The following TEKT3 variants were observed in gnomAD, a reference collection of about 807,000 sequenced individuals.
The protein encoded by TEKT3 is tektin-3.
A neutral mutation model predicts 49.8 loss-of-function variants in TEKT3; 49 were observed. The observed-to-expected ratio is 0.98, with a 90% CI of 0.78 to 1.25. The LOEUF (loss-of-function observed/expected upper bound fraction) is 1.25. TEKT3 is among the 50% of genes most tolerant of loss of function. The pLI is 0.00. For missense variants in TEKT3, 595 were observed against 629.5 expected (o/e 0.95, Z 0.59); for synonymous variants, 225 against 237.2 (o/e 0.95, Z 0.47).
intron 1 of TEKT3, among the ~76,000 whole-genome samples, chr17:15,341,009 C>G (rs1912205675): frequency 1.3e-5 from 2 of 151,970 alleles, no homozygotes; most frequent in Admixed American, 1.3e-4. Flanking sequence ...TGCAGCCAAG[C>G]TAAACAGAAA....
chr17:15,328,091 T>C lies in TEKT3; in HGVS notation c.580-16A>G. The C allele has an allele frequency of 1.2e-6, 2 of 1,608,104 alleles. No homozygotes were observed. The highest frequency in any genetic ancestry group is 1.7e-6 in the Non-Finnish European group (2 of 1,174,758). On this transcript the variant is annotated splice_polypyrimidine_tract_variant and intron_variant, in intron 3 of 8. Coordinates refer to ENST00000395930, the MANE Select transcript of TEKT3 (RefSeq NM_031898.3). Reference sequence around the variant, plus strand: ...CTCGGGCTACCTACAGATACACAGATAATGGAAAGCACTAATAAAAACTGA... The same window carrying C: ...CTCGGGCTACCTACAGATACACAGACAATGGAAAGCACTAATAAAAACTGA...
chr17:15,305,365 G>A (rs1191582850), intron 8 of TEKT3, among the ~76,000 whole-genome samples: 1 of 152,196 alleles, frequency 6.6e-6, no homozygotes, highest in Non-Finnish European at 1.5e-5. Context: ...GCTTTCCAAT[G>A]GGGAGGGGAA....
upstream of TEKT3, among the ~76,000 whole-genome samples, chr17:15,341,947 A>C (rs933710851): frequency 6.6e-6 from 1 of 152,198 alleles, no homozygotes; most frequent in Non-Finnish European, 1.5e-5. Context: ...TCTAAGGCAC[A>C]TCAGGGCTGC....
intron 7 of TEKT3, among the ~76,000 whole-genome samples, chr17:15,311,756 T>C (rs545291565): frequency 6.6e-6 from 1 of 152,362 alleles, no homozygotes; most frequent in African/African-American, 2.4e-5. Context: ...TTGAAACATA[T>C]GAATTCTGCT....
Position 15,304,367 on chromosome 17 carries a change from G to A in TEKT3, c.1257-215C>T, listed in dbSNP as rs1910450458. Among the ~76,000 whole-genome samples, 1 of 152,174 alleles carries A rather than the reference G, an allele frequency of 6.6e-6. No individual in the cohort carries two copies. The highest frequency in any genetic ancestry group is 2.4e-5 in the African/African-American group (1 of 41,438). On this transcript the variant is annotated intron_variant, in intron 8 of 8. Transcript: ENST00000395930. The surrounding 1 kb of genome is among the most constrained non-coding windows in gnomAD (Gnocchi z 4.7). ...GGGAATGTAGATGTCCCAGGAGATA[G>A]AAAAGGATTTCATAATTATAGAAAA...
At chr17:15,342,311 A>G, upstream of TEKT3, among the ~76,000 whole-genome samples, 1 of 152,236 alleles carries the variant, frequency 6.6e-6, no homozygotes, top group Non-Finnish European at 1.5e-5. Context: ...CAGAGCTAAC[A>G]CTAAAACTCA....
upstream of TEKT3, among the ~76,000 whole-genome samples, chr17:15,342,979 G>A (rs961488637): frequency 3.9e-5 from 6 of 152,146 alleles, no homozygotes; most frequent in Admixed American, 3.9e-4. Context: ...TCTGCATTTT[G>A]TATTTTCAGT....
intron 4 of TEKT3, among the ~76,000 whole-genome samples, chr17:15,323,024 A>G (rs942829940): frequency 5.9e-5 from 9 of 152,140 alleles, no homozygotes; most frequent in Non-Finnish European, 2.9e-5. Flanking sequence ...TGGTCCCACA[A>G]CCTGCTTAGA....
At chr17:15,340,868 A>AT (rs1037665890) in intron 1 of TEKT3, among the ~76,000 whole-genome samples, 2 of 152,106 alleles carry the variant, frequency 1.3e-5, no homozygotes, top group African/African-American at 2.4e-5. Flanking sequence ...AAAACTGTAT[A>AT]TTTTTTTCAC....
chr17:15,336,073 T>C (rs1911967750), intron 2 of TEKT3, among the ~76,000 whole-genome samples: 1 of 150,798 alleles, frequency 6.6e-6, no homozygotes, highest in Non-Finnish European at 1.5e-5. Context: ...TATAAATACC[T>C]AGGTCAAGAA....
At position 15,331,510 on chromosome 17, in the gene TEKT3, T is replaced by C; in HGVS notation, c.76A>G (p.Ile26Val). ...CTGTAGCTTGAGGCCATGGTACTGA[T>C]GGCTGGTAGAAAGTTGGTTGGTGTT... is the stretch of plus-strand genomic sequence containing the variant. ...RPTPTNFLPA[I>V]STMASSYRDR... Residue 26 changes from isoleucine (I) to valine (V), a missense_variant, in exon 3 of 9, where the codon ATC (isoleucine) becomes GTC (valine). Physicochemically the swap from Ile to Val is conservative, Grantham distance 29. Coordinates refer to ENST00000395930, the MANE Select transcript of TEKT3 (RefSeq NM_031898.3). 6.2e-7 allele frequency: 1 copy of C among 1,614,092 alleles called. No individual in the cohort carries two copies. The highest frequency in any genetic ancestry group is 8.5e-7 in the Non-Finnish European group (1 of 1,180,014).
intron 4 of TEKT3, among the ~76,000 whole-genome samples, chr17:15,325,916 C>A (rs1911470874): frequency 6.6e-6 from 1 of 152,262 alleles, no homozygotes; most frequent in Admixed American, 6.5e-5. Flanking sequence ...CCCATCACTG[C>A]AAAACTATTT....
Position 15,331,165 on chromosome 17 carries a change from C to T in TEKT3, c.421G>A (p.Asp141Asn). The change falls in exon 3 of 9, where the codon GAC (aspartate) becomes AAC (asparagine). Residue 141 changes from aspartate to asparagine, a missense_variant. Asp to Asn is a conservative substitution (Grantham distance 23). Transcript: ENST00000395930. ...CGTTCTCCCAGATTTTGGGTTGTGT[C>T]TGCCTGAGTTTTTCTTGTTTGTTGA... ...KYQQTRKTQA[D>N]TTQNLGERVN... is the part of the protein sequence containing the mutation. 6.2e-7 allele frequency: 1 copy of T among 1,614,198 alleles called. No homozygotes were observed. Among genetic ancestry groups the T allele is most frequent in the Non-Finnish European group, 8.5e-7 (1 of 1,180,040 alleles).
At chr17:15,314,738 G>A (rs1346502875) in intron 5 of TEKT3, among the ~76,000 whole-genome samples, 1 of 152,158 alleles carries the variant, frequency 6.6e-6, no homozygotes, top group African/African-American at 2.4e-5. Flanking sequence ...ACCTTGGTTT[G>A]TGGTCATGCT....
chr17:15,338,671 AT>A (rs60841981), intron 2 of TEKT3: 23,296 of 94,086 alleles, frequency 0.25, 3,154 homozygotes, highest in African/African-American at 0.39. Flanking sequence ...CACCTGGCTA[AT>A]TTTTTTTTTT....
chr17:15,314,074 G>T lies in TEKT3; in HGVS notation c.878+13C>A. 6.2e-7 allele frequency: 1 copy of T among 1,614,142 alleles called. No individual in the cohort carries two copies. On this transcript the variant is annotated intron_variant, in intron 6 of 8. Coordinates refer to ENST00000395930, the MANE Select transcript of TEKT3 (RefSeq NM_031898.3). ...GACATCGAAATCACAGCCGTGGCGTGTGCCTGACTTACGTTGCATCGACCC... is the reference window on the plus strand; with the variant it reads ...GACATCGAAATCACAGCCGTGGCGTTTGCCTGACTTACGTTGCATCGACCC...
chr17:15,307,290 C>T (rs192129659), intron 8 of TEKT3, among the ~76,000 whole-genome samples: 1 of 152,270 alleles, frequency 6.6e-6, no homozygotes, highest in African/African-American at 2.4e-5. Context: ...CAACGTAAAA[C>T]ACAGGAGAAA....
In TEKT3 at chr17:15,327,900, T is replaced by C. The variant is rs149117348; in HGVS notation, c.663+92A>G. 169 of 1,095,642 alleles carry C rather than the reference T, an allele frequency of 1.5e-4. 2 individuals carry two copies. In the African/African-American group the frequency reaches 2.4e-3, roughly 16 times the overall value. 67.9% of individuals were successfully genotyped at this position (1,095,642 alleles called of 1,614,324 possible). A position where few individuals can be genotyped will look rare whatever the true frequency, so the allele number is the denominator to read the frequency against. On this transcript the variant is annotated intron_variant, in intron 4 of 8. Coordinates refer to ENST00000395930, the MANE Select transcript of TEKT3 (RefSeq NM_031898.3). ...GATACGATAATGCTTTACTTATAAGTCATTTTATGTAACATCCTTTTTTGC... is the reference window on the plus strand; with the variant it reads ...GATACGATAATGCTTTACTTATAAGCCATTTTATGTAACATCCTTTTTTGC...
rs1910898474 is a variant in TEKT3, at chr17:15,314,162, T to C, written c.803A>G (p.Asp268Gly). ...LSDKQTAYRI[D>G]DKCHHLRNTS... Reference sequence around the variant, plus strand: ...GTTGCGCAGGTGGTGGCATTTGTCGTCGATCCGGTAAGCCGTCTGTTTGTC... The same window carrying C: ...GTTGCGCAGGTGGTGGCATTTGTCGCCGATCCGGTAAGCCGTCTGTTTGTC... The change falls in exon 6 of 9, where the codon GAC becomes GGC. Residue 268 changes from aspartate (D) to glycine (G), a missense_variant. Asp to Gly is a moderately conservative substitution (Grantham distance 94, BLOSUM62 -1). Transcript: ENST00000395930. The C allele has an allele frequency of 7.4e-6, 12 of 1,614,218 alleles. No homozygotes were observed. The highest frequency in any genetic ancestry group is 1.0e-5 in the Non-Finnish European group (12 of 1,180,042).
Sources: gnomAD v4.1 joint callset for allele counts (sites outside exome capture counted in the v4.1 genomes callset) on GRCh38, gnomAD v4.1.1 for gene constraint, Gnocchi (gnomAD v3.1) non-coding constraint, MANE v1.5 for transcripts, NCBI Gene and HGNC (gene_info 2026-07-23, HGNC 2026-07-21) for gene names.